The following NOTCH2 variants were observed in gnomAD, a reference collection of about 807,000 sequenced individuals.
NOTCH2 encodes the protein notch receptor 2.
Under a neutral mutation model 235.8 loss-of-function variants are expected in NOTCH2, and 29 were observed. The ratio of observed to expected loss-of-function variants is 0.12; its 90% CI spans 0.09 to 0.17. The LOEUF (loss-of-function observed/expected upper bound fraction) is 0.17. Among genes scored for constraint, NOTCH2 ranks in the 10% least tolerant of loss-of-function variants. NOTCH2 has a pLI of 1.00. For missense variants in NOTCH2, 2,285 were observed against 3,150.2 expected (o/e 0.73, Z 6.57); for synonymous variants, 1,086 against 1,141.5 (o/e 0.95, Z 0.98).
intron 5 of NOTCH2, chr1:119,976,428 G>A (rs1651582968): frequency 6.6e-6 from 1 of 150,964 alleles, no homozygotes; most frequent in Non-Finnish European, 1.5e-5. Context: ...TACAGGGCCT[G>A]CCTACTGAGA....
At chr1:120,024,959 C>T (rs1288425605) in intron 2 of NOTCH2, among the ~76,000 whole-genome samples, 3 of 150,512 alleles carry the variant, frequency 2.0e-5, no homozygotes, top group Non-Finnish European at 4.4e-5. Flanking sequence ...ATATAAGCCT[C>T]AGAAAAAGCA....
At chr1:120,069,157 G>A (rs1210334237) in intron 1 of NOTCH2, 177 bp downstream of exon 1, 35 of 1,527,274 alleles carry the variant, frequency 2.3e-5, no homozygotes, top group Non-Finnish European at 2.8e-5. Flanking sequence ...GGTTGGCGGG[G>A]CACCACGGGA....
chr1:119,934,954 G>A (rs1366219243), intron 22 of NOTCH2, among the ~76,000 whole-genome samples: 1 of 152,098 alleles, frequency 6.6e-6, no homozygotes, highest in Non-Finnish European at 1.5e-5. Flanking sequence ...AACAGTCCAG[G>A]GTTGCATCTC....
At chr1:119,927,924 G>A (rs1004517109) in intron 23 of NOTCH2, among the ~76,000 whole-genome samples, 6 of 152,188 alleles carry the variant, frequency 3.9e-5, no homozygotes, top group African/African-American at 1.4e-4. Context: ...TGGAAGGAAA[G>A]ATGGCTGGAG....
intron 14 of NOTCH2, among the ~76,000 whole-genome samples, chr1:119,952,301 G>A (rs1553197892): frequency 1.3e-5 from 2 of 152,166 alleles, no homozygotes; most frequent in African/African-American, 4.8e-5. Context: ...TCCATGATCC[G>A]GGGTTGGGGG....
chr1:120,007,634 G>T (rs1461413435), intron 2 of NOTCH2, among the ~76,000 whole-genome samples: 1 of 151,790 alleles, frequency 6.6e-6, no homozygotes, highest in Non-Finnish European at 1.5e-5. Flanking sequence ...AGGTTGCAGT[G>T]AGCCAACGAG....
chr1:119,938,847 A>AT (rs1397934418), intron 19 of NOTCH2, among the ~76,000 whole-genome samples: 1 of 151,834 alleles, frequency 6.6e-6, no homozygotes, highest in Non-Finnish European at 1.5e-5. Flanking sequence ...CACCCGGCTA[A>AT]TTTTTTGTAT....
chr1:119,969,210 G>A (rs1183804053), intron 6 of NOTCH2, among the ~76,000 whole-genome samples: 1 of 152,168 alleles, frequency 6.6e-6, no homozygotes, highest in Non-Finnish European at 1.5e-5. Flanking sequence ...TAGCTGAGGT[G>A]CTTTTCAGTC....
intron 25 of NOTCH2, 44 bp from the exon 26 acceptor site, chr1:119,924,028 G>A: frequency 6.8e-7 from 1 of 1,474,406 alleles, no homozygotes; most frequent in South Asian, 1.2e-5. Flanking sequence ...GCTCAGATTA[G>A]ACTGGAGCTC....
intron 14 of NOTCH2, among the ~76,000 whole-genome samples, chr1:119,951,172 A>T (rs782579911): frequency 1.3e-5 from 2 of 152,122 alleles, no homozygotes; most frequent in Non-Finnish European, 2.9e-5. Flanking sequence ...TTTTTGAGAC[A>T]GGGGGTCTCA....
At chr1:119,937,723 T>A in intron 20 of NOTCH2, 134 bp downstream of exon 20, 3 of 988,844 alleles carry the variant, frequency 3.0e-6, no homozygotes, top group Non-Finnish European at 4.6e-6. Flanking sequence ...TCTTGAGCCC[T>A]TTCCCCAGAG....
intron 11 of NOTCH2, among the ~76,000 whole-genome samples, chr1:119,963,330 T>G (rs1651015230): frequency 6.6e-6 from 1 of 152,208 alleles, no homozygotes; most frequent in Non-Finnish European, 1.5e-5. Flanking sequence ...TATGCCTCTA[T>G]TTAACAAAAC....
chr1:119,950,975 C>T (rs1650448164), intron 14 of NOTCH2, 138 bp from the exon 15 acceptor site: 1 of 705,984 alleles, frequency 1.4e-6, no homozygotes, highest in Non-Finnish European at 2.6e-6. Context: ...AATACCTGTT[C>T]ATTCATTTCA....
intron 5 of NOTCH2, among the ~76,000 whole-genome samples, chr1:119,973,525 C>A (rs587701841): frequency 6.6e-6 from 1 of 152,142 alleles, no homozygotes; most frequent in East Asian, 1.9e-4. Context: ...CCGGATTGAT[C>A]TGACTGCAAA....
Position 119,915,138 on chromosome 1 carries a change from A to T in NOTCH2, c.*168T>A, listed in dbSNP as rs1649018464. 7.0e-6 allele frequency: 5 copies of T among 713,218 alleles called. No individual in the cohort carries two copies. The highest frequency in any genetic ancestry group is 2.7e-5 in the East Asian group (1 of 37,444). 44.2% of individuals were successfully genotyped at this position (713,218 alleles called of 1,614,324 possible). On this transcript the variant is annotated 3_prime_UTR_variant, in exon 34 of 34. Transcript: ENST00000256646. ...AATAAGCCTTGCAGATACCCAGTGAAACTGACGAATTGCTTCTCTTGCATT... is the reference window on the plus strand; with the variant it reads ...AATAAGCCTTGCAGATACCCAGTGATACTGACGAATTGCTTCTCTTGCATT...
chr1:119,954,095 G>A (rs1650594011), intron 13 of NOTCH2, among the ~76,000 whole-genome samples: 1 of 152,178 alleles, frequency 6.6e-6, no homozygotes, highest in Non-Finnish European at 1.5e-5. Flanking sequence ...CAGGGACCCT[G>A]AGCCACTCTA....
At chr1:119,918,886 G>A (rs907434229) in intron 31 of NOTCH2, among the ~76,000 whole-genome samples, 1 of 152,130 alleles carries the variant, frequency 6.6e-6, no homozygotes, top group African/African-American at 2.4e-5. Flanking sequence ...TCCTCATAAG[G>A]ATAAACAGGC....
At chr1:119,983,547 G>C (rs1310695738) in intron 5 of NOTCH2, among the ~76,000 whole-genome samples, 1 of 152,024 alleles carries the variant, frequency 6.6e-6, no homozygotes, top group Non-Finnish European at 1.5e-5. Flanking sequence ...ATGAAACCAG[G>C]GGCCACCATA....
chr1:119,973,064 A>C (rs1318264601), intron 5 of NOTCH2, among the ~76,000 whole-genome samples: 1 of 152,218 alleles, frequency 6.6e-6, no homozygotes, highest in Non-Finnish European at 1.5e-5. Flanking sequence ...AGCTGCCTTC[A>C]CTGAACACCT....
Sources: allele counts gnomAD v4.1 joint callset (sites outside exome capture counted in the v4.1 genomes callset), GRCh38; gene constraint gnomAD v4.1.1; transcripts MANE v1.5; gene names NCBI Gene and HGNC (gene_info 2026-07-23, HGNC 2026-07-21).